Variants in PTPRA observed in about 807,000 individuals in gnomAD.
PTPRA encodes the protein receptor-type tyrosine-protein phosphatase alpha.
PTPRA carries 25 observed loss-of-function variants against 104.8 expected under a neutral mutation model. The ratio of observed to expected loss-of-function variants is 0.24; its 90% CI spans 0.17 to 0.33. The LOEUF is 0.33. Ranked by LOEUF, PTPRA falls within the 10% of genes least tolerant of loss-of-function variation. The pLI is 1.00. For missense variants in PTPRA, 765 were observed against 1,015.3 expected, an observed-to-expected ratio of 0.75 and a Z score of 3.35; for synonymous variants, 323 against 368.9, an observed-to-expected ratio of 0.88 and a Z score of 1.43.
At chr20:3,028,657 C>T (rs1167996693) in intron 20 of PTPRA, among the ~76,000 whole-genome samples, 1 of 152,208 alleles carries the variant, frequency 6.6e-6, no homozygotes, top group African/African-American at 2.4e-5. Flanking sequence ...GAGCGGTTCA[C>T]TATGTCTGGG....
intron 6 of PTPRA, among the ~76,000 whole-genome samples, chr20:2,976,395 C>G (rs1295161731): frequency 2.6e-5 from 4 of 152,198 alleles, no homozygotes; most frequent in African/African-American, 9.7e-5. Context: ...TGACTCCTTC[C>G]TCTATTTAGT....
intron 10 of PTPRA, 88 bp from the exon 11 acceptor site, chr20:3,007,256 G>C: frequency 7.8e-7 from 1 of 1,285,048 alleles, no homozygotes; most frequent in Non-Finnish European, 1.1e-6. Flanking sequence ...GTGCACATAG[G>C]CACAGATGTC....
At chr20:2,976,952 G>A (rs1355118920) in intron 6 of PTPRA, among the ~76,000 whole-genome samples, 1 of 152,132 alleles carries the variant, frequency 6.6e-6, no homozygotes, top group African/African-American at 2.4e-5. Context: ...TGAAGTCCAG[G>A]AAACTGGTTA....
At chr20:2,940,956 C>G (rs1210631457) in intron 2 of PTPRA, among the ~76,000 whole-genome samples, 4 of 151,460 alleles carry the variant, frequency 2.6e-5, no homozygotes, top group Non-Finnish European at 5.9e-5. Flanking sequence ...TCTTTTGTTT[C>G]TGGTTTCTAG....
the PTPRA span, chr20:2,864,889 A>G: frequency 1.3e-6 from 2 of 1,563,958 alleles, no homozygotes; most frequent in African/African-American, 2.7e-5. The surrounding 1 kb of genome is among the most constrained non-coding windows in gnomAD (Gnocchi z 5.2). Context: ...GACCCTGGGC[A>G]CAGGGATGGG....
chr20:3,008,747 AAAAAAAAAAAAAC>A (rs1354614696), intron 11 of PTPRA, among the ~76,000 whole-genome samples: 57 of 74,370 alleles, frequency 7.7e-4, no homozygotes, highest in African/African-American at 3.1e-3. Flanking sequence ...AAAAAAAACA[AAAAAAAAAAAAAC>A]AACTTAGCCG....
At chr20:2,917,411 C>T (rs1358377815) in intron 1 of PTPRA, among the ~76,000 whole-genome samples, 1 of 152,032 alleles carries the variant, frequency 6.6e-6, no homozygotes, top group Admixed American at 6.6e-5. Flanking sequence ...CTCTGGAGCC[C>T]TTCCTACCCT....
intron 11 of PTPRA, among the ~76,000 whole-genome samples, chr20:3,013,209 T>C (rs2064263243): frequency 6.6e-6 from 1 of 152,134 alleles, no homozygotes. Flanking sequence ...ACATGGATCT[T>C]GAAGGGAACT....
intron 6 of PTPRA, among the ~76,000 whole-genome samples, chr20:2,986,337 G>A (rs1015066402): frequency 2.6e-5 from 4 of 152,200 alleles, no homozygotes; most frequent in African/African-American, 9.6e-5. Context: ...CTGAGAGAGT[G>A]TACAGTGTTG....
intron 17 of PTPRA, 109 bp downstream of exon 17, chr20:3,024,730 G>T: frequency 7.5e-7 from 1 of 1,341,246 alleles, no homozygotes; most frequent in Admixed American, 2.0e-5. Flanking sequence ...TGTGAGGCAT[G>T]CCAGTGGTTA....
chr20:2,997,628 A>G (rs1446798040), intron 9 of PTPRA, among the ~76,000 whole-genome samples: 1 of 152,236 alleles, frequency 6.6e-6, no homozygotes, highest in Non-Finnish European at 1.5e-5. Flanking sequence ...ATTTCCGTGA[A>G]TGCCCACCTG....
At position 2,964,942 on chromosome 20, in the gene PTPRA, C is replaced by A. The variant is rs1455831304; in HGVS notation, c.155C>A (p.Pro52Gln). The A allele has an allele frequency of 3.7e-6, 6 of 1,613,810 alleles. No homozygotes were observed. ...PVKEEAKTSN[P>Q]TSSLTSLSVA... is the part of the protein sequence containing the mutation. ...AAAGAAGAGGCCAAAACTTCAAATC[C>A]AACTTCTTCACTAACTTCTCTTTCT... Residue 52 changes from proline (P) to glutamine (Q), a missense_variant, in exon 5 of 24, where the codon CCA (proline) becomes CAA (glutamine). Coordinates refer to ENST00000399903, the MANE Select transcript of PTPRA (RefSeq NM_001385305.1).
chr20:2,910,361 TATATA>T (rs1243447150), intron 1 of PTPRA, among the ~76,000 whole-genome samples: 31 of 85,710 alleles, frequency 3.6e-4, no homozygotes, highest in South Asian at 3.8e-4. Flanking sequence ...ATATATTTTA[TATATA>T]ATATATTTTG....
At chr20:2,934,941 G>T (rs751432045) in intron 2 of PTPRA, among the ~76,000 whole-genome samples, 26 of 152,084 alleles carry the variant, frequency 1.7e-4, no homozygotes, top group South Asian at 4.1e-4. Flanking sequence ...CAAAGTGCTG[G>T]GATTAGAGTG....
intron 9 of PTPRA, among the ~76,000 whole-genome samples, 169 bp from the exon 10 acceptor site, chr20:3,004,887 C>A (rs3746692): frequency 0.072 from 11,002 of 152,206 alleles, 920 homozygotes; most frequent in African/African-American, 0.19. Context: ...GTGGCTGTTT[C>A]GGGGGAGAGG....
chr20:2,962,349 T>C (rs1268797680), intron 3 of PTPRA, among the ~76,000 whole-genome samples: 1 of 152,230 alleles, frequency 6.6e-6, no homozygotes, highest in Non-Finnish European at 1.5e-5. Flanking sequence ...CATCCTGAGC[T>C]CACATATTCA....
chr20:2,914,399 A>C (rs1353548970), intron 1 of PTPRA, among the ~76,000 whole-genome samples: 5 of 152,132 alleles, frequency 3.3e-5, no homozygotes, highest in Admixed American at 3.3e-4. Flanking sequence ...ATATACATAC[A>C]CAAACATACA....
intron 1 of PTPRA, among the ~76,000 whole-genome samples, chr20:2,902,590 AGAGGAG>A (rs1458132280): frequency 6.6e-6 from 1 of 152,208 alleles, no homozygotes; most frequent in Non-Finnish European, 1.5e-5. Flanking sequence ...AGGTCATCCT[AGAGGAG>A]GCTTGGGAAC....
chr20:2,969,022 A>G (rs1485627665), intron 5 of PTPRA, among the ~76,000 whole-genome samples: 1 of 152,172 alleles, frequency 6.6e-6, no homozygotes, highest in East Asian at 1.9e-4. Context: ...AGCCTAGCCG[A>G]CATGGCAAAA....
Sources: allele counts gnomAD v4.1 joint callset (sites outside exome capture counted in the v4.1 genomes callset), GRCh38; gene constraint gnomAD v4.1.1; non-coding constraint Gnocchi (gnomAD v3.1); transcripts MANE v1.5; gene names NCBI Gene and HGNC (gene_info 2026-07-23, HGNC 2026-07-21).